Variants in SYTL5 observed in about 807,000 individuals in gnomAD.
SYTL5 encodes synaptotagmin-like protein 5.
In SYTL5, 34 loss-of-function variants were observed where a neutral mutation model predicts 55.9. The ratio of observed to expected loss-of-function variants is 0.61; its 90% CI spans 0.46 to 0.81. The LOEUF (loss-of-function observed/expected upper bound fraction) is 0.81, where lower values mean the gene tolerates loss of function less well. Ranked by LOEUF, SYTL5 falls within the 30% of genes least tolerant of loss-of-function variation. SYTL5 has a pLI of 0.00. For missense variants in SYTL5, 637 were observed against 546.7 expected (o/e 1.17, Z -1.65); for synonymous variants, 221 against 188.7 (o/e 1.17, Z -1.40).
chrX:37,962,536 G>A, the SYTL5 span, among the ~76,000 whole-genome samples: 8 of 111,946 alleles, frequency 7.1e-5, no homozygotes, highest in South Asian at 3.7e-4. Context: ...ATAAACATAC[G>A]TGTGCATGTG....
intron 6 of SYTL5, among the ~76,000 whole-genome samples, chrX:38,082,967 C>A (rs1936571083): frequency 8.9e-6 from 1 of 112,011 alleles, no homozygotes; most frequent in Admixed American, 9.4e-5. Context: ...TTCTTATATG[C>A]AATATAACAT....
intron 4 of SYTL5, 30 bp downstream of exon 4, chrX:38,072,192 CT>C: frequency 1.9e-6 from 2 of 1,051,012 alleles, no homozygotes; most frequent in Non-Finnish European, 2.7e-6. Context: ...GGTTTCACAA[CT>C]GTTTTCATCT....
chrX:38,089,601 C>T lies in SYTL5; in HGVS notation c.831+14C>T. 8.3e-7 allele frequency: 1 copy of T among 1,199,966 alleles called. No individual in the cohort carries two copies. Among genetic ancestry groups the T allele is most frequent in the Non-Finnish European group, 1.1e-6 (1 of 889,466 alleles). ...GTCATCAGTAGAGTAAGTACACAAACCTGATGAACACCGTATTAGTTCATT... is the reference window on the plus strand; with the variant it reads ...GTCATCAGTAGAGTAAGTACACAAATCTGATGAACACCGTATTAGTTCATT... On this transcript the variant is annotated intron_variant, in intron 7 of 16. Coordinates refer to ENST00000297875, the MANE Select transcript of SYTL5 (RefSeq NM_138780.3).
Position 38,094,282 on chromosome X carries a change from A to G in SYTL5, c.832-13A>G, listed in dbSNP as rs758560368. 2 of 1,182,577 alleles carry G rather than the reference A, an allele frequency of 1.7e-6. No individual in the cohort carries two copies. The highest frequency in any genetic ancestry group is 3.5e-5 in the African/African-American group (2 of 56,440). ...TCAGTATAATTTTTTTCTCATTTTT[A>G]CTTTGTGGGAAGGAGTATGGTTTTG... is the stretch of plus-strand genomic sequence containing the variant. On this transcript the variant is annotated splice_polypyrimidine_tract_variant and intron_variant, in intron 7 of 16. Coordinates refer to ENST00000297875, the MANE Select transcript of SYTL5 (RefSeq NM_138780.3).
At chrX:38,014,911 G>A (rs188897664) in intron 1 of SYTL5, among the ~76,000 whole-genome samples, 7 of 111,833 alleles carry the variant, frequency 6.3e-5, no homozygotes, top group African/African-American at 2.3e-4. Context: ...TTGTGAGGGA[G>A]GTATGTAGCT....
chrX:38,079,441 C>T (rs1221315120), intron 6 of SYTL5, among the ~76,000 whole-genome samples: 3 of 111,816 alleles, frequency 2.7e-5, no homozygotes, highest in African/African-American at 9.8e-5. Flanking sequence ...TTGCTAGGGA[C>T]TTGACACATG....
chrX:38,122,292 C>CT, intron 15 of SYTL5, 77 bp downstream of exon 15: 6 of 943,002 alleles, frequency 6.4e-6, no homozygotes, highest in Non-Finnish European at 8.8e-6. Flanking sequence ...CCACTGGTGG[C>CT]TGTGAGCCTT....
At chrX:38,075,459 T>G (rs1248589226) in intron 5 of SYTL5, among the ~76,000 whole-genome samples, 1 of 111,161 alleles carries the variant, frequency 9.0e-6, no homozygotes, top group East Asian at 2.8e-4. Context: ...AAGTGCCAGT[T>G]GAGTATAGGA....
At chrX:37,991,191 T>G in the SYTL5 span, 1 of 1,207,062 alleles carries the variant, frequency 8.3e-7, no homozygotes, top group Non-Finnish European at 1.1e-6. Flanking sequence ...GAAGAATGAC[T>G]GAAGACTGGG....
rs761638137 is a variant in SYTL5 at position 38,120,496 on chromosome X, T to C, written c.1705+30T>C. 4.7e-6 allele frequency: 5 copies of C among 1,072,677 alleles called. No homozygotes were observed. The Admixed American group carries it at 8.8e-5, about 19-fold the overall frequency. The allele number at this position is 1,072,677 out of a possible 1,213,427, so 88.4% of individuals were successfully genotyped here. A position where few individuals can be genotyped will look rare whatever the true frequency, so the allele number is the denominator to read the frequency against. On this transcript the variant is annotated intron_variant, in intron 14 of 16. Transcript: ENST00000297875. ...AGTAAAAATCAATGACTTTGATCAATGACATTCTGTTTCTAGAAGTGTGGT... is the reference window on the plus strand; with the variant it reads ...AGTAAAAATCAATGACTTTGATCAACGACATTCTGTTTCTAGAAGTGTGGT...
intron 3 of SYTL5, among the ~76,000 whole-genome samples, chrX:38,068,879 C>T (rs763611109): frequency 1.2e-4 from 13 of 111,269 alleles, no homozygotes; most frequent in East Asian, 2.8e-4. Flanking sequence ...AATATACCCA[C>T]GTAACAAACC....
the SYTL5 span, among the ~76,000 whole-genome samples, chrX:37,901,355 G>A: frequency 8.9e-6 from 1 of 111,858 alleles, no homozygotes. Context: ...TTGTCATTAA[G>A]CAAAAAGCCA....
the SYTL5 span, among the ~76,000 whole-genome samples, chrX:37,984,612 G>A: frequency 1.2e-4 from 13 of 111,445 alleles, no homozygotes; most frequent in Non-Finnish European, 9.5e-5. Context: ...TGGAAAAGGA[G>A]GGCTAACTTC....
intron 10 of SYTL5, among the ~76,000 whole-genome samples, chrX:38,104,025 C>T (rs1338612582): frequency 8.9e-6 from 1 of 112,301 alleles, no homozygotes; most frequent in East Asian, 2.8e-4. Context: ...GAGCACTACA[C>T]AGTTACCAAA....
At chrX:38,048,809 G>C (rs780449989) in intron 2 of SYTL5, among the ~76,000 whole-genome samples, 2 of 111,881 alleles carry the variant, frequency 1.8e-5, no homozygotes, top group South Asian at 7.6e-4. Flanking sequence ...TTTGGGTGGG[G>C]ATGCAGCCAA....
At chrX:38,036,675 T>G (rs1452891554) in intron 2 of SYTL5, among the ~76,000 whole-genome samples, 1 of 112,102 alleles carries the variant, frequency 8.9e-6, no homozygotes, top group Non-Finnish European at 1.9e-5. Context: ...TATTCAGAAG[T>G]CATTCCAAAG....
chrX:38,108,543 A>G, intron 11 of SYTL5, 57 bp from the exon 12 acceptor site: 2 of 925,178 alleles, frequency 2.2e-6, no homozygotes, highest in South Asian at 4.3e-5. Flanking sequence ...AAGTCTTTGA[A>G]CATTTCTTGC....
chrX:37,894,380 C>T, the SYTL5 span, among the ~76,000 whole-genome samples: 1 of 111,530 alleles, frequency 9.0e-6, no homozygotes, highest in Non-Finnish European at 1.9e-5. Flanking sequence ...AACAGTTTTC[C>T]AAAGGAGTGG....
chrX:37,944,617 G>T, the SYTL5 span, among the ~76,000 whole-genome samples: 5 of 111,358 alleles, frequency 4.5e-5, no homozygotes, highest in Admixed American at 4.8e-4. Context: ...CCATGAATGC[G>T]GGCACAACTG....
Sources: gnomAD v4.1 joint callset for allele counts (sites outside exome capture counted in the v4.1 genomes callset) on GRCh38, gnomAD v4.1.1 for gene constraint, MANE v1.5 for transcripts, NCBI Gene and HGNC (gene_info 2026-07-23, HGNC 2026-07-21) for gene names.